Variants in AVEN observed in about 807,000 individuals in gnomAD.
AVEN encodes cell death regulator Aven.
AVEN carries 41 observed loss-of-function variants against 38.1 expected under a neutral mutation model. The ratio of observed to expected loss-of-function variants is 1.08; its 90% CI spans 0.84 to 1.40. The LOEUF (loss-of-function observed/expected upper bound fraction) is 1.40, where lower values mean the gene tolerates loss of function less well. Ranked by LOEUF, AVEN falls within the 40% of genes most tolerant of loss-of-function variation. The probability of loss-of-function intolerance (pLI) is 0.00; values close to 1 mark genes in which losing one functional copy is unlikely to be tolerated. For synonymous variants in AVEN, 206 were observed against 171.8 expected (o/e 1.20, Z -1.56); for missense variants, 605 against 438.8 (o/e 1.38, Z -3.38).
chr15:34,053,319 A>AATATATATATATATATATATAT (rs71119922), intron 5 of AVEN, among the ~76,000 whole-genome samples: 9 of 42,064 alleles, frequency 2.1e-4, no homozygotes, highest in Admixed American at 7.5e-4. Flanking sequence ...AAAAAAAAAA[A>AATATATATATATATATATATAT]ATATATATAT....
intron 1 of AVEN, among the ~76,000 whole-genome samples, chr15:34,008,135 G>A (rs1270923334): frequency 2.6e-5 from 4 of 152,046 alleles, no homozygotes; most frequent in Admixed American, 2.0e-4. Flanking sequence ...GAAAATAATG[G>A]GTGGGCCTGG....
intron 5 of AVEN, chr15:34,062,733 T>C (rs778712394): frequency 2.6e-5 from 42 of 1,610,776 alleles, no homozygotes; most frequent in Non-Finnish European, 3.4e-5. Flanking sequence ...AGGGGATTCT[T>C]ACCACAATGC....
At chr15:33,864,858 T>G (rs1328191018), downstream of AVEN, 4 of 386,564 alleles carry the variant, frequency 1.0e-5, no homozygotes, top group Non-Finnish European at 1.9e-5. Context: ...AATCTTTAAG[T>G]ATGTTTAGTG....
At chr15:33,884,066 C>G (rs1454836463) in intron 2 of AVEN, among the ~76,000 whole-genome samples, 1 of 152,158 alleles carries the variant, frequency 6.6e-6, no homozygotes, top group Non-Finnish European at 1.5e-5. Context: ...ATCGATTTTT[C>G]TCAAACTCCT....
Position 33,948,523 on chromosome 15 carries a change from A to G in AVEN, c.445+54509T>C, listed in dbSNP as rs1427389464. On this transcript the variant is annotated intron_variant, in intron 2 of 5. Coordinates refer to ENST00000306730, the MANE Select transcript of AVEN (RefSeq NM_020371.3). ...TAATAAGTGTTAGTATCTTTTAATA[A>G]ATATCTAAATATTTAGATACCTAAA... Among the ~76,000 whole-genome samples the G allele has an allele frequency of 2.6e-5, 4 of 152,220 alleles. No individual in the cohort carries two copies. In the East Asian group the frequency reaches 7.7e-4, roughly 29 times the overall value.
downstream of AVEN, chr15:33,864,970 A>C: frequency 1.8e-6 from 1 of 565,104 alleles, no homozygotes; most frequent in Non-Finnish European, 3.1e-6. Flanking sequence ...TTGCTTCCCA[A>C]ACAGCCTGTG....
chr15:33,992,091 TAAAAAG>T (rs1896746641), intron 2 of AVEN: 1 of 152,174 alleles, frequency 6.6e-6, no homozygotes, highest in African/African-American at 2.4e-5. Context: ...TGAAGGTTTT[TAAAAAG>T]AAAATCAGGC....
chr15:34,014,061 T>TA (rs1458667981), intron 1 of AVEN, among the ~76,000 whole-genome samples: 8 of 152,114 alleles, frequency 5.3e-5, no homozygotes, highest in African/African-American at 1.7e-4. Context: ...TGGGAAATTT[T>TA]AAAAAAGAAA....
intron 2 of AVEN, among the ~76,000 whole-genome samples, chr15:33,901,746 G>C (rs1293011651): frequency 6.6e-6 from 1 of 152,098 alleles, no homozygotes; most frequent in Non-Finnish European, 1.5e-5. Context: ...TTTAATTTGT[G>C]TTTCCCCAAT....
At chr15:33,941,170 T>C (rs1894306543) in intron 2 of AVEN, among the ~76,000 whole-genome samples, 1 of 152,220 alleles carries the variant, frequency 6.6e-6, no homozygotes, top group African/African-American at 2.4e-5. Context: ...TAACACCCTT[T>C]CTTCACAGAA....
intron 2 of AVEN, among the ~76,000 whole-genome samples, chr15:33,901,325 C>T (rs1463120994): frequency 1.3e-5 from 2 of 152,182 alleles, no homozygotes; most frequent in African/African-American, 4.8e-5. Context: ...CCAACAAGGA[C>T]TAGATATTCA....
At chr15:33,878,506 A>G (rs77028163) in intron 2 of AVEN, among the ~76,000 whole-genome samples, 4,941 of 152,310 alleles carry the variant, frequency 0.032, 158 homozygotes, top group Non-Finnish European at 0.039. Flanking sequence ...TTTTGTATGA[A>G]TCAGATATTT....
chr15:33,960,773 C>T (rs1005820895), intron 2 of AVEN, among the ~76,000 whole-genome samples: 3 of 152,100 alleles, frequency 2.0e-5, no homozygotes, highest in African/African-American at 7.2e-5. Flanking sequence ...AACATTATTC[C>T]TTGATATGCT....
chr15:33,937,915 A>G (rs2153052836), intron 2 of AVEN, among the ~76,000 whole-genome samples: 1 of 147,118 alleles, frequency 6.8e-6, no homozygotes, highest in Non-Finnish European at 1.5e-5. Context: ...CTGAACTAAT[A>G]CAAATCCCTA....
chr15:33,883,359 C>A (rs1891570743), intron 2 of AVEN, among the ~76,000 whole-genome samples: 1 of 152,072 alleles, frequency 6.6e-6, no homozygotes, highest in Admixed American at 6.6e-5. Flanking sequence ...GAGTTTTTTT[C>A]TTGTATCCCA....
At chr15:33,865,087 T>G, downstream of AVEN, 1 of 1,499,236 alleles carries the variant, frequency 6.7e-7, no homozygotes, top group Non-Finnish European at 9.3e-7. Context: ...TTTTAGCTTT[T>G]ACTGTGGTTT....
At chr15:33,965,344 C>T (rs1427518199) in intron 2 of AVEN, among the ~76,000 whole-genome samples, 1 of 152,122 alleles carries the variant, frequency 6.6e-6, no homozygotes. Context: ...TAATCACACT[C>T]AATTGAGATT....
intron 2 of AVEN, among the ~76,000 whole-genome samples, chr15:33,917,912 C>T (rs1305428656): frequency 6.6e-6 from 1 of 151,992 alleles, no homozygotes; most frequent in African/African-American, 2.4e-5. Context: ...CACTGAAGAA[C>T]TTATTCATGT....
At chr15:33,942,183 A>T (rs2153053947) in intron 2 of AVEN, among the ~76,000 whole-genome samples, 1 of 152,340 alleles carries the variant, frequency 6.6e-6, no homozygotes, top group Non-Finnish European at 1.5e-5. Flanking sequence ...TAAATAGAGA[A>T]GAAAAAGCAT....
Sources: gnomAD v4.1 joint callset for allele counts (sites outside exome capture counted in the v4.1 genomes callset) on GRCh38, gnomAD v4.1.1 for gene constraint, MANE v1.5 for transcripts, NCBI Gene and HGNC (gene_info 2026-07-23, HGNC 2026-07-21) for gene names.